Variants in TIAM1 observed in about 807,000 individuals in gnomAD.
TIAM1 encodes TIAM Rac1 associated GEF 1, also known as rho guanine nucleotide exchange factor TIAM1.
A neutral mutation model predicts 163.5 loss-of-function variants in TIAM1; 65 were observed. The observed-to-expected ratio is 0.40, with a 90% confidence interval of 0.33 to 0.49. The LOEUF (loss-of-function observed/expected upper bound fraction) is 0.49, where lower values mean the gene tolerates loss of function less well. Ranked by LOEUF, TIAM1 falls within the 20% of genes least tolerant of loss-of-function variation. The probability of loss-of-function intolerance (pLI) is 0.77; values close to 1 mark genes in which losing one functional copy is unlikely to be tolerated. For missense variants in TIAM1, 1,789 were observed against 2,044.7 expected (o/e 0.87, Z 2.41); for synonymous variants, 833 against 810.1 (o/e 1.03, Z -0.48).
chr21:31,437,791 A>G (rs2044264058), intron 2 of TIAM1, among the ~76,000 whole-genome samples: 1 of 152,182 alleles, frequency 6.6e-6, no homozygotes, highest in African/African-American at 2.4e-5. Flanking sequence ...AAGTTTCCCG[A>G]GATCCCCCAG....
intron 13 of TIAM1, among the ~76,000 whole-genome samples, chr21:31,192,830 C>A (rs1425547424): frequency 6.6e-6 from 1 of 152,182 alleles, no homozygotes; most frequent in Non-Finnish European, 1.5e-5. Context: ...CCCCTTCCCC[C>A]TCTGCAGAGT....
intron 25 of TIAM1, among the ~76,000 whole-genome samples, chr21:31,127,412 C>CTTTTTTTTTTTTTTTTTTTTTT (rs199978005): frequency 2.1e-5 from 3 of 140,736 alleles, no homozygotes; most frequent in Non-Finnish European, 3.1e-5. Context: ...ATGGACCGAA[C>CTTTTTTTTTTTTTTTTTTTTTT]TTTTTTTTTT....
At position 31,394,730 on chromosome 21, in the gene TIAM1, A is replaced by ACT. The variant is rs1569293598; in HGVS notation, c.-368-55309_-368-55308insAG. 7.6e-5 allele frequency among the ~76,000 whole-genome samples: 5 copies of ACT among 66,020 alleles called. No individual in the cohort carries two copies. The Admixed American group carries it at 9.0e-4, about 12-fold the overall frequency. The allele number at this position is 66,020 out of a possible 152,430, so 43.3% of individuals were successfully genotyped here. On this transcript the variant is annotated intron_variant, in intron 2 of 28. Transcript: ENST00000286827. ...CTCGCTCTCTCTCTCTCTCTCTCTC[A>ACT]CACACACACACACACACACACACAC...
intron 2 of TIAM1, among the ~76,000 whole-genome samples, chr21:31,354,267 T>A (rs116857821): frequency 1.3e-5 from 2 of 152,154 alleles, no homozygotes; most frequent in Non-Finnish European, 2.9e-5. Flanking sequence ...AGGACAAATG[T>A]GGCAGGCAAG....
intron 6 of TIAM1, among the ~76,000 whole-genome samples, chr21:31,236,932 C>T (rs1316551527): frequency 1.3e-5 from 2 of 152,096 alleles, no homozygotes; most frequent in African/African-American, 2.4e-5. Flanking sequence ...AAATGAAAGC[C>T]GTTTTTAAGT....
intron 1 of TIAM1, among the ~76,000 whole-genome samples, chr21:31,487,983 C>G (rs537267302): frequency 6.6e-6 from 1 of 152,222 alleles, no homozygotes; most frequent in Non-Finnish European, 1.5e-5. Context: ...CGAGCCACTG[C>G]GCCCGGCCAC....
intron 10 of TIAM1, among the ~76,000 whole-genome samples, chr21:31,211,328 G>A (rs1371695108): frequency 6.6e-6 from 1 of 152,162 alleles, no homozygotes; most frequent in Non-Finnish European, 1.5e-5. Flanking sequence ...AATGTTAGGA[G>A]CCCCGCGAAA....
intron 12 of TIAM1, among the ~76,000 whole-genome samples, chr21:31,199,063 A>G (rs761628639): frequency 6.6e-6 from 1 of 152,238 alleles, no homozygotes; most frequent in Non-Finnish European, 1.5e-5. Context: ...TTCTTTTATT[A>G]AATCAATAAT....
chr21:31,135,426 T>G (rs2082582326), intron 23 of TIAM1, among the ~76,000 whole-genome samples: 2 of 152,290 alleles, frequency 1.3e-5, no homozygotes, highest in Non-Finnish European at 2.9e-5. Context: ...GGGATGCACC[T>G]CACAGCTGAT....
intron 2 of TIAM1, among the ~76,000 whole-genome samples, chr21:31,413,253 T>C (rs1743581984): frequency 6.9e-6 from 1 of 143,976 alleles, no homozygotes; most frequent in African/African-American, 2.7e-5. Context: ...TTTTTTCTTT[T>C]CTTTTCTTTT....
chr21:31,480,560 C>T (rs1324464869), intron 1 of TIAM1, among the ~76,000 whole-genome samples: 1 of 152,192 alleles, frequency 6.6e-6, no homozygotes, highest in African/African-American at 2.4e-5. Context: ...GAAACCACCA[C>T]ATTGCCGCAT....
chr21:31,206,505 C>T (rs1467255428), intron 11 of TIAM1, among the ~76,000 whole-genome samples: 7 of 152,062 alleles, frequency 4.6e-5, no homozygotes, highest in Admixed American at 4.6e-4. Context: ...AATTGAGACT[C>T]GTAAAACATT....
chr21:31,124,483 G>C, intron 27 of TIAM1, 39 bp downstream of exon 27: 1 of 1,609,310 alleles, frequency 6.2e-7, no homozygotes, highest in Non-Finnish European at 8.5e-7. Flanking sequence ...TGCGGAGTGG[G>C]GGTGACGGGA....
chr21:31,210,721 GAAAGAAA>G lies in TIAM1; in HGVS notation c.2218-513_2218-507del, dbSNP rs1387843673. 5.4e-3 allele frequency among the ~76,000 whole-genome samples: 546 copies of G among 102,024 alleles called. 9 individuals carry two copies. The highest frequency in any genetic ancestry group is 0.02 in the East Asian group (66 of 3,262). The allele number at this position is 102,024 out of a possible 152,430, so 66.9% of individuals were successfully genotyped here. On this transcript the variant is annotated intron_variant, in intron 10 of 27. Coordinates refer to ENST00000541036, the MANE Select transcript of TIAM1 (RefSeq NM_001353694.2). Reference sequence around the variant, plus strand: ...AGAAAGAAAGAGAAAGAAAGAGAAAGAAAGAAAGAGAAAGAAGGAAGGAAGGGAGAAA... The same window carrying G: ...AGAAAGAAAGAGAAAGAAAGAGAAAGGAGAAAGAAGGAAGGAAGGGAGAAA...
intron 15 of TIAM1, among the ~76,000 whole-genome samples, chr21:31,181,756 C>CTTTTTTTTTTTTTTTTTTTTT: frequency 2.4e-5 from 1 of 41,344 alleles, no homozygotes; most frequent in Non-Finnish European, 5.3e-5. Flanking sequence ...TCTTCTTCTT[C>CTTTTTTTTTTTTTTTTTTTTT]TTTTTTTTTT....
rs961563683 is a variant in TIAM1, at chr21:31,118,883, T to C, written c.*1485A>G. 11 of 334,484 alleles carry C rather than the reference T, an allele frequency of 3.3e-5. No individual in the cohort carries two copies. Among genetic ancestry groups the C allele is most frequent in the African/African-American group, 2.2e-4 (10 of 46,042 alleles). The allele number at this position is 334,484 out of a possible 1,614,324, so 20.7% of individuals were successfully genotyped here. A position where few individuals can be genotyped will look rare whatever the true frequency, so the allele number is the denominator to read the frequency against. On this transcript the variant is annotated 3_prime_UTR_variant, in exon 28 of 28. Coordinates refer to ENST00000541036, the MANE Select transcript of TIAM1 (RefSeq NM_001353694.2). Reference sequence around the variant, plus strand: ...AAAAGCAGGCAGAGGCACAAGAGCATGATGTACTGAACTCTCTATTGTCTG... The same window carrying C: ...AAAAGCAGGCAGAGGCACAAGAGCACGATGTACTGAACTCTCTATTGTCTG...
intron 10 of TIAM1, among the ~76,000 whole-genome samples, chr21:31,210,587 A>AAGG (rs2086695075): frequency 8.3e-6 from 1 of 120,456 alleles, no homozygotes; most frequent in African/African-American, 4.3e-5. Context: ...AGAAAGAAAG[A>AAGG]AAGAAAGAGA....
intron 1 of TIAM1, among the ~76,000 whole-genome samples, chr21:31,482,472 G>T (rs1400791319): frequency 6.6e-6 from 1 of 152,098 alleles, no homozygotes; most frequent in Non-Finnish European, 1.5e-5. Context: ...CAGAAATTCT[G>T]CCTTGCACAC....
intron 2 of TIAM1, among the ~76,000 whole-genome samples, chr21:31,419,630 AT>A (rs1258948705): frequency 6.6e-6 from 1 of 152,236 alleles, no homozygotes; most frequent in Non-Finnish European, 1.5e-5. Context: ...TGTGTTTAAA[AT>A]TTTTAATCTA....
Sources: gnomAD v4.1 joint callset for allele counts (sites outside exome capture counted in the v4.1 genomes callset) on GRCh38, gnomAD v4.1.1 for gene constraint, MANE v1.5 for transcripts, NCBI Gene and HGNC (gene_info 2026-07-23, HGNC 2026-07-21) for gene names.